The following ADAMTS16 variants were observed in gnomAD, a reference collection of about 807,000 sequenced individuals.
The protein encoded by ADAMTS16 is ADAM metallopeptidase with thrombospondin type 1 motif 16.
Under a neutral mutation model 145.8 loss-of-function variants are expected in ADAMTS16, and 94 were observed. That is an observed-to-expected ratio of 0.64 (90% CI 0.55 to 0.77). ADAMTS16 has a LOEUF of 0.77. Ranked by LOEUF, ADAMTS16 falls within the 30% of genes least tolerant of loss-of-function variation. The pLI is 0.00. For missense variants in ADAMTS16, 1,585 were observed against 1,591.5 expected, an observed-to-expected ratio of 1.00 and a Z score of 0.07; for synonymous variants, 659 against 604.3, an observed-to-expected ratio of 1.09 and a Z score of -1.33.
intron 18 of ADAMTS16, among the ~76,000 whole-genome samples, chr5:5,270,199 A>G (rs1431716441): frequency 1.3e-5 from 2 of 152,186 alleles, no homozygotes; most frequent in African/African-American, 2.4e-5. Context: ...CTGATCGCAC[A>G]TGGAGCTTAG....
chr5:5,180,839 A>G (rs987798562), intron 3 of ADAMTS16, among the ~76,000 whole-genome samples: 9 of 152,178 alleles, frequency 5.9e-5, no homozygotes, highest in Non-Finnish European at 1.3e-4. Context: ...CCTCACCCAT[A>G]AAAAGGGGGC....
chr5:5,169,752 T>G (rs576904004), intron 3 of ADAMTS16, among the ~76,000 whole-genome samples: 1 of 152,316 alleles, frequency 6.6e-6, no homozygotes, highest in Non-Finnish European at 1.5e-5. Context: ...ACGCCCAGTT[T>G]CTGCTGAGAG....
At chr5:5,168,903 C>T (rs981879240) in intron 3 of ADAMTS16, among the ~76,000 whole-genome samples, 4 of 151,172 alleles carry the variant, frequency 2.6e-5, no homozygotes, top group African/African-American at 7.3e-5. Flanking sequence ...TATCCTAACA[C>T]ATTGAATCTG....
intron 17 of ADAMTS16, among the ~76,000 whole-genome samples, chr5:5,245,727 A>G (rs1417457827): frequency 6.6e-6 from 1 of 152,186 alleles, no homozygotes; most frequent in African/African-American, 2.4e-5. Flanking sequence ...TTTTGATTTA[A>G]AGAGATCTCA....
In ADAMTS16 at chr5:5,262,764, G is replaced by C. The variant is rs371536205; in HGVS notation, c.2770G>C (p.Val924Leu). The C allele has an allele frequency of 2.5e-6, 4 of 1,614,044 alleles. No homozygotes were observed. Among genetic ancestry groups the C allele is most frequent in the Admixed American group, 3.3e-5 (2 of 59,990 alleles). The part of the protein sequence containing the change: ...RPVTGLVPCK[V>L]SACPPSWSVG... ...TGTCACGGGGCTGGTGCCTTGCAAA[G>C]TATCTGCCTGTCCTCCCAGGTAAGA... Residue 924 changes from valine to leucine, a missense_variant, in exon 18 of 23, where the codon GTA (valine) becomes CTA (leucine). By Grantham distance (32) the Val-to-Leu change is conservative (BLOSUM62 1). Transcript: ENST00000274181.
At chr5:5,210,604 G>A (rs1736249600) in intron 10 of ADAMTS16, among the ~76,000 whole-genome samples, 1 of 151,940 alleles carries the variant, frequency 6.6e-6, no homozygotes, top group African/African-American at 2.4e-5. Flanking sequence ...GCTAAATGTT[G>A]CCTGCTCTTG....
chr5:5,200,621 G>A (rs193218260), intron 9 of ADAMTS16, among the ~76,000 whole-genome samples: 13 of 152,320 alleles, frequency 8.5e-5, no homozygotes, highest in Non-Finnish European at 1.6e-4. Flanking sequence ...GTACACATCT[G>A]TATACACAAT....
chr5:5,160,900 A>G (rs1202829367), intron 3 of ADAMTS16, among the ~76,000 whole-genome samples: 6 of 152,312 alleles, frequency 3.9e-5, no homozygotes, highest in South Asian at 4.1e-4. Flanking sequence ...TGTGTATACA[A>G]AAAACACAGT....
intron 3 of ADAMTS16, among the ~76,000 whole-genome samples, chr5:5,177,736 A>C (rs1431071147): frequency 6.6e-6 from 1 of 152,236 alleles, no homozygotes; most frequent in Non-Finnish European, 1.5e-5. Flanking sequence ...GAATATTCCC[A>C]AAACAAATGA....
chr5:5,233,588 G>A (rs543737789), intron 12 of ADAMTS16, among the ~76,000 whole-genome samples: 7 of 152,074 alleles, frequency 4.6e-5, no homozygotes, highest in Admixed American at 6.6e-5. Flanking sequence ...GAGAACATGC[G>A]GTATTTGGTT....
intron 18 of ADAMTS16, among the ~76,000 whole-genome samples, chr5:5,286,514 T>G (rs1411662850): frequency 6.6e-6 from 1 of 152,188 alleles, no homozygotes; most frequent in Non-Finnish European, 1.5e-5. Flanking sequence ...TAATTGTTGT[T>G]TAACTAATTA....
At chr5:5,315,561 C>T (rs879462240) in intron 21 of ADAMTS16, among the ~76,000 whole-genome samples, 9 of 152,022 alleles carry the variant, frequency 5.9e-5, no homozygotes, top group East Asian at 3.9e-4. Flanking sequence ...ACTCAAGAAA[C>T]GAAAGATGTT....
intron 9 of ADAMTS16, among the ~76,000 whole-genome samples, chr5:5,207,548 A>G (rs181833584): frequency 2.2e-4 from 33 of 152,180 alleles, no homozygotes; most frequent in Admixed American, 1.3e-3. Flanking sequence ...GCTTTATTGC[A>G]CTAGGTAGCA....
intron 4 of ADAMTS16, among the ~76,000 whole-genome samples, chr5:5,183,715 G>A (rs373576188): frequency 5.9e-5 from 9 of 152,226 alleles, no homozygotes; most frequent in African/African-American, 1.9e-4. Flanking sequence ...CTGTGTGCAA[G>A]GCAGTAGAGA....
chr5:5,284,962 T>C (rs549807657), intron 18 of ADAMTS16, among the ~76,000 whole-genome samples: 24 of 152,336 alleles, frequency 1.6e-4, no homozygotes, highest in Non-Finnish European at 1.6e-4. Flanking sequence ...GAGTGCTTTA[T>C]GGAACCAATA....
chr5:5,178,098 A>G (rs917394828), intron 3 of ADAMTS16, among the ~76,000 whole-genome samples: 1 of 152,236 alleles, frequency 6.6e-6, no homozygotes, highest in African/African-American at 2.4e-5. Context: ...TACTACAGTA[A>G]ACATCCTACT....
In ADAMTS16 at chr5:5,232,490, T is replaced by G; in HGVS notation, c.1824T>G (p.His608Gln). 1 of 1,613,776 alleles carries G rather than the reference T, an allele frequency of 6.2e-7. No individual in the cohort carries two copies. Among genetic ancestry groups the G allele is most frequent in the Non-Finnish European group, 8.5e-7 (1 of 1,179,952 alleles). Residue 608 changes from histidine to glutamine, a missense_variant, in exon 12 of 23, where the codon CAT becomes CAG. Transcript: ENST00000274181. ...CSRTCGGGVS[H>Q]RSRLCTNPKP... Reference sequence around the variant, plus strand: ...GGACCTGCGGAGGGGGAGTATCTCATAGGAGTCGCCTCTGCACCAACCCCA... The same window carrying G: ...GGACCTGCGGAGGGGGAGTATCTCAGAGGAGTCGCCTCTGCACCAACCCCA...
At chr5:5,220,675 A>G (rs1263320756) in intron 10 of ADAMTS16, among the ~76,000 whole-genome samples, 1 of 152,080 alleles carries the variant, frequency 6.6e-6, no homozygotes, top group Non-Finnish European at 1.5e-5. Flanking sequence ...CCAGGCCCTG[A>G]GCTGAACACA....
chr5:5,287,399 T>C (rs761336446), intron 18 of ADAMTS16, among the ~76,000 whole-genome samples: 2 of 152,242 alleles, frequency 1.3e-5, no homozygotes, highest in Non-Finnish European at 2.9e-5. Context: ...CTGAGTCTGC[T>C]GTCATTTCAA....
Sources: gnomAD v4.1 joint callset for allele counts (sites outside exome capture counted in the v4.1 genomes callset) on GRCh38, gnomAD v4.1.1 for gene constraint, MANE v1.5 for transcripts, NCBI Gene and HGNC (gene_info 2026-07-23, HGNC 2026-07-21) for gene names.